The following CDKAL1 variants were observed in gnomAD, a reference collection of about 807,000 sequenced individuals.
The protein encoded by CDKAL1 is CDKAL1 threonylcarbamoyladenosine tRNA methylthiotransferase.
A neutral mutation model predicts 68.2 loss-of-function variants in CDKAL1; 32 were observed. That is an observed-to-expected ratio of 0.47 (90% CI 0.35 to 0.63). CDKAL1 has a LOEUF of 0.63. Among genes scored for constraint, CDKAL1 ranks in the 30% least tolerant of loss-of-function variants. The pLI is 0.00. For missense variants in CDKAL1, 606 were observed against 696.7 expected (o/e 0.87, Z 1.47); for synonymous variants, 234 against 244.3 (o/e 0.96, Z 0.39).
At chr6:20,914,092 AC>A (rs1458639621) in intron 9 of CDKAL1, among the ~76,000 whole-genome samples, 2 of 151,996 alleles carry the variant, frequency 1.3e-5, no homozygotes, top group Admixed American at 1.3e-4. Context: ...GCTCGAGACC[AC>A]CCTGGCTAAC....
At chr6:21,014,535 T>C (rs1314501456) in intron 11 of CDKAL1, among the ~76,000 whole-genome samples, 2 of 151,230 alleles carry the variant, frequency 1.3e-5, no homozygotes. Flanking sequence ...GGTGTGAACC[T>C]GGGAGGCGGA....
intron 4 of CDKAL1, among the ~76,000 whole-genome samples, chr6:20,627,736 T>C (rs116179874): frequency 0.013 from 2,027 of 152,352 alleles, 24 homozygotes; most frequent in South Asian, 0.039. Flanking sequence ...GTTCCTCTGA[T>C]AATTTGGAGA....
chr6:20,716,386 G>A (rs1295996456), intron 5 of CDKAL1, among the ~76,000 whole-genome samples: 1 of 152,082 alleles, frequency 6.6e-6, no homozygotes, highest in Non-Finnish European at 1.5e-5. Flanking sequence ...GAAGAGCTGG[G>A]GAATGAGATT....
At chr6:20,890,110 A>G (rs1761312479) in intron 9 of CDKAL1, among the ~76,000 whole-genome samples, 2 of 152,208 alleles carry the variant, frequency 1.3e-5, no homozygotes, top group African/African-American at 4.8e-5. Context: ...TAATGATATG[A>G]AAGAAAAAAA....
intron 13 of CDKAL1, among the ~76,000 whole-genome samples, chr6:21,129,908 C>CT (rs922307204): frequency 1.3e-4 from 19 of 151,644 alleles, no homozygotes; most frequent in African/African-American, 4.6e-4. Flanking sequence ...AATACAGTCC[C>CT]TTTTTTTTCT....
chr6:20,957,094 G>C (rs1181724136), intron 10 of CDKAL1, among the ~76,000 whole-genome samples: 1 of 151,442 alleles, frequency 6.6e-6, no homozygotes, highest in African/African-American at 2.4e-5. Flanking sequence ...CATACATCGT[G>C]AAGACCAGGA....
chr6:20,541,940 G>T (rs1255968945), intron 2 of CDKAL1, among the ~76,000 whole-genome samples: 1 of 152,240 alleles, frequency 6.6e-6, no homozygotes, highest in Non-Finnish European at 1.5e-5. Context: ...GATTACTGGC[G>T]TGAGCCACCG....
At chr6:20,751,947 T>G (rs1217081933) in intron 6 of CDKAL1, among the ~76,000 whole-genome samples, 1 of 152,174 alleles carries the variant, frequency 6.6e-6, no homozygotes, top group African/African-American at 2.4e-5. Context: ...CAGAATGAGT[T>G]CAATATATTC....
chr6:21,016,571 A>G (rs1768347192), intron 11 of CDKAL1, among the ~76,000 whole-genome samples: 1 of 151,366 alleles, frequency 6.6e-6, no homozygotes, highest in Admixed American at 6.6e-5. Context: ...TCCTTAAATC[A>G]ATTCATTTCA....
At chr6:21,059,658 A>G (rs1305425566) in intron 11 of CDKAL1, among the ~76,000 whole-genome samples, 1 of 149,260 alleles carries the variant, frequency 6.7e-6, no homozygotes, top group Non-Finnish European at 1.5e-5. Flanking sequence ...GAACCTGGAT[A>G]CCTCAGCTGA....
At chr6:20,980,413 A>G (rs1304477492) in intron 10 of CDKAL1, among the ~76,000 whole-genome samples, 6 of 151,868 alleles carry the variant, frequency 4.0e-5, no homozygotes, top group Non-Finnish European at 8.8e-5. Flanking sequence ...AATTTTTTGT[A>G]TTTTTAGTAG....
intron 4 of CDKAL1, among the ~76,000 whole-genome samples, chr6:20,560,178 G>A (rs1171455307): frequency 1.3e-5 from 2 of 152,166 alleles, no homozygotes; most frequent in African/African-American, 2.4e-5. Context: ...TGAATTTCAT[G>A]TTACAAATGT....
At chr6:20,901,811 C>T (rs1326912286) in intron 9 of CDKAL1, among the ~76,000 whole-genome samples, 2 of 151,512 alleles carry the variant, frequency 1.3e-5, no homozygotes, top group Non-Finnish European at 2.9e-5. Context: ...GAGTCTCTCT[C>T]TGTCATCCAG....
intron 4 of CDKAL1, among the ~76,000 whole-genome samples, chr6:20,553,306 T>C (rs1274318183): frequency 1.3e-5 from 2 of 151,988 alleles, no homozygotes; most frequent in African/African-American, 4.8e-5. Context: ...ATCAGGAGTT[T>C]GAGACCAGCC....
chr6:20,733,393 A>G (rs79171020), intron 5 of CDKAL1, among the ~76,000 whole-genome samples: 1 of 152,224 alleles, frequency 6.6e-6, no homozygotes, highest in Admixed American at 6.5e-5. Flanking sequence ...AAATTGTAGA[A>G]TGAAAACATG....
chr6:20,949,917 G>T (rs1764439534), intron 9 of CDKAL1, among the ~76,000 whole-genome samples: 1 of 151,794 alleles, frequency 6.6e-6, no homozygotes, highest in African/African-American at 2.4e-5. Flanking sequence ...AGCCTCCCAG[G>T]TAGCTGGGAC....
intron 5 of CDKAL1, among the ~76,000 whole-genome samples, chr6:20,653,779 T>A (rs949354129): frequency 2.0e-5 from 3 of 152,038 alleles, no homozygotes; most frequent in Non-Finnish European, 4.4e-5. Context: ...CACACCCAGC[T>A]AATTTTTGTT....
chr6:20,618,886 C>T (rs1412337947), intron 4 of CDKAL1, among the ~76,000 whole-genome samples: 1 of 152,108 alleles, frequency 6.6e-6, no homozygotes, highest in African/African-American at 2.4e-5. Context: ...GTCATGTTGC[C>T]TGGGCTGGTC....
At chr6:20,725,559 C>G (rs1022500960) in intron 5 of CDKAL1, among the ~76,000 whole-genome samples, 2 of 151,638 alleles carry the variant, frequency 1.3e-5, no homozygotes, top group African/African-American at 4.8e-5. Context: ...CTGAGGCAGG[C>G]GGATCACCTG....
Sources: allele counts gnomAD v4.1 joint callset (sites outside exome capture counted in the v4.1 genomes callset), GRCh38; gene constraint gnomAD v4.1.1; transcripts MANE v1.5; gene names NCBI Gene and HGNC (gene_info 2026-07-23, HGNC 2026-07-21).